CSMD1: variants seen among roughly 807,000 people sequenced by gnomAD.
The protein encoded by CSMD1 is CUB and Sushi multiple domains 1.
A neutral mutation model predicts 417.5 loss-of-function variants in CSMD1; 213 were observed. The observed-to-expected ratio is 0.51, with a 90% CI of 0.46 to 0.57. CSMD1 has a LOEUF of 0.57. Among genes scored for constraint, CSMD1 ranks in the 20% least tolerant of loss-of-function variants. The pLI, the probability that CSMD1 is intolerant of heterozygous loss-of-function variation, is 0.00. For missense variants in CSMD1, 6,923 were observed against 4,529.7 expected, an observed-to-expected ratio of 1.53 and a Z score of -15.17; for synonymous variants, 2,862 against 1,736.8, an observed-to-expected ratio of 1.65 and a Z score of -16.11.
rs11373813 is a variant in CSMD1 at position 3,926,108 on chromosome 8, C to CCATACACACACACACAAACACCAT, written c.818+71794_818+71795insATGGTGTTTGTGTGTGTGTGTATG. ...ACACACACACACACACACACACACA[C>CCATACACACACACACAAACACCAT]ACACACACACACACACACACACACT... On this transcript the variant is annotated intron_variant, in intron 5 of 69. Coordinates refer to ENST00000635120, the MANE Select transcript of CSMD1 (RefSeq NM_033225.6). 1.0e-4 allele frequency among the ~76,000 whole-genome samples: 8 copies of CCATACACACACACACAAACACCAT among 79,230 alleles called. No homozygotes were observed. The East Asian group carries it at 2.0e-3, about 20-fold the overall frequency. 52.0% of individuals were successfully genotyped at this position (79,230 alleles called of 152,430 possible).
intron 12 of CSMD1, among the ~76,000 whole-genome samples, chr8:3,453,763 T>C (rs1055168732): frequency 6.6e-6 from 1 of 152,184 alleles, no homozygotes; most frequent in Non-Finnish European, 1.5e-5. Flanking sequence ...AGGTGTGGTA[T>C]GGTGCTGAAA....
chr8:3,915,569 A>G (rs1012416094), intron 5 of CSMD1, among the ~76,000 whole-genome samples: 3 of 151,748 alleles, frequency 2.0e-5, no homozygotes, highest in Non-Finnish European at 4.4e-5. Context: ...GAATAATTCT[A>G]TAATAGTCAG....
chr8:3,585,078 T>C (rs1800540930), intron 9 of CSMD1, among the ~76,000 whole-genome samples: 1 of 152,088 alleles, frequency 6.6e-6, no homozygotes. Context: ...CTCCCTCCCC[T>C]TCCGGTGGGG....
intron 3 of CSMD1, among the ~76,000 whole-genome samples, chr8:4,077,117 A>C (rs544720589): frequency 8.6e-4 from 130 of 151,790 alleles, no homozygotes; most frequent in Non-Finnish European, 5.7e-4. Context: ...CATTTTAGTG[A>C]TGAGTATGAT....
chr8:4,679,208 G>A (rs761639627), intron 1 of CSMD1, among the ~76,000 whole-genome samples: 8 of 152,120 alleles, frequency 5.3e-5, no homozygotes, highest in Admixed American at 2.0e-4. Context: ...TCTTTGCAGG[G>A]CTTTCCCTGG....
chr8:4,525,895 T>G (rs1288898737), intron 2 of CSMD1, among the ~76,000 whole-genome samples: 4 of 152,156 alleles, frequency 2.6e-5, no homozygotes, highest in African/African-American at 9.7e-5. Flanking sequence ...ATTTATTGAA[T>G]GATAAGTGCA....
intron 37 of CSMD1, among the ~76,000 whole-genome samples, chr8:3,178,241 A>G (rs1489272395): frequency 2.6e-5 from 4 of 152,142 alleles, no homozygotes; most frequent in Non-Finnish European, 5.9e-5. Flanking sequence ...AATTTCCACC[A>G]GTGTCCATTT....
chr8:4,841,930 A>AAAAAAAAAAAAAAAAAAACAAAAC lies in CSMD1; in HGVS notation c.85+152401_85+152402insGTTTTGTTTTTTTTTTTTTTTTTT, dbSNP rs1192383183. 4.1e-4 allele frequency among the ~76,000 whole-genome samples: 50 copies of AAAAAAAAAAAAAAAAAAACAAAAC among 122,468 alleles called. 2 individuals carry two copies. Among genetic ancestry groups the AAAAAAAAAAAAAAAAAAACAAAAC allele is most frequent in the African/African-American group, 8.7e-4 (26 of 30,018 alleles). The allele number at this position is 122,468 out of a possible 152,430, so 80.3% of individuals were successfully genotyped here. A position where few individuals can be genotyped will look rare whatever the true frequency, so the allele number is the denominator to read the frequency against. On this transcript the variant is annotated intron_variant, in intron 1 of 69. Transcript: ENST00000635120. ...CCGTCTCAAAAAAAAAAAAAAAAAAAAAAAAAAAGTTCAGAACAATGGATA... is the reference window on the plus strand; with the variant it reads ...CCGTCTCAAAAAAAAAAAAAAAAAAAAAAAAAAAAAAAAAAAAACAAAACAAAAAAAAGTTCAGAACAATGGATA...
At chr8:4,486,113 AT>A (rs1801366539) in intron 2 of CSMD1, among the ~76,000 whole-genome samples, 1 of 114,670 alleles carries the variant, frequency 8.7e-6, no homozygotes, top group African/African-American at 3.8e-5. Context: ...ATGTATGTAT[AT>A]ATACATACAT....
intron 2 of CSMD1, among the ~76,000 whole-genome samples, chr8:4,516,497 A>G (rs1397700096): frequency 6.6e-6 from 1 of 151,976 alleles, no homozygotes; most frequent in Non-Finnish European, 1.5e-5. Flanking sequence ...GGGCCCTTCT[A>G]TGATCCCCCT....
At chr8:4,277,375 T>G (rs1040599135) in intron 3 of CSMD1, among the ~76,000 whole-genome samples, 3 of 152,154 alleles carry the variant, frequency 2.0e-5, no homozygotes, top group African/African-American at 7.2e-5. Flanking sequence ...CATCTCTGAA[T>G]CTGAAGGTGT....
At chr8:4,396,227 C>G (rs577264218) in intron 3 of CSMD1, among the ~76,000 whole-genome samples, 1 of 151,814 alleles carries the variant, frequency 6.6e-6, no homozygotes, top group African/African-American at 2.4e-5. Context: ...TTTGGGAGAC[C>G]AAGGTAGGCA....
Position 4,165,891 on chromosome 8 carries a change from G to C in CSMD1, c.416-133792C>G, listed in dbSNP as rs148757853. ...AAATTACTTTTGCACCAACCAACCT[G>C]TGCCTAGCACAGTATCAGATATATA... On this transcript the variant is annotated intron_variant, in intron 3 of 69. Coordinates refer to ENST00000635120, the MANE Select transcript of CSMD1 (RefSeq NM_033225.6). Among the ~76,000 whole-genome samples, 995 of 152,296 alleles carry C rather than the reference G, an allele frequency of 6.5e-3. 9 individuals are homozygous for C. Among genetic ancestry groups the C allele is most frequent in the African/African-American group, 0.022 (924 of 41,568 alleles).
rs772308721 is a variant in CSMD1, at chr8:3,181,188, T to C, written c.5647A>G (p.Ser1883Gly). The change falls in exon 37 of 70, where the codon AGT becomes GGT. Residue 1883 changes from serine to glycine, a missense_variant. Ser to Gly is a moderately conservative substitution (Grantham distance 56). Transcript: ENST00000635120. ...SGTTVPALLN[S>G]TSNQLYLHFQ... is the part of the protein sequence containing the mutation. ...TGCAGGTAGAGTTGGTTGGAAGTAC[T>C]GTTCAGCAGTGCCGGTACTGTGGTG... 1.9e-6 allele frequency: 3 copies of C among 1,613,756 alleles called. No individual in the cohort carries two copies. Among genetic ancestry groups the C allele is most frequent in the Non-Finnish European group, 1.7e-6 (2 of 1,179,718 alleles).
intron 12 of CSMD1, among the ~76,000 whole-genome samples, chr8:3,454,662 G>A (rs1011760179): frequency 6.6e-6 from 1 of 152,214 alleles, no homozygotes; most frequent in Non-Finnish European, 1.5e-5. Flanking sequence ...CTGGCTTGTA[G>A]AGTTTCTGCG....
At chr8:3,889,708 T>C (rs1487843977) in intron 5 of CSMD1, among the ~76,000 whole-genome samples, 1 of 151,638 alleles carries the variant, frequency 6.6e-6, no homozygotes, top group East Asian at 1.9e-4. Context: ...TTCCTATAAA[T>C]TGAGCTATGG....
intron 3 of CSMD1, among the ~76,000 whole-genome samples, chr8:4,180,020 C>T (rs534256805): frequency 6.6e-5 from 10 of 152,102 alleles, no homozygotes; most frequent in South Asian, 2.1e-4. Flanking sequence ...GTCAGTGTGG[C>T]GATTCCTCAA....
At chr8:4,139,857 G>C (rs546055464) in intron 3 of CSMD1, among the ~76,000 whole-genome samples, 15 of 150,940 alleles carry the variant, frequency 9.9e-5, no homozygotes, top group Admixed American at 6.6e-5. Flanking sequence ...TGATCAGATG[G>C]AAATTTTAGA....
intron 10 of CSMD1, among the ~76,000 whole-genome samples, chr8:3,547,574 AT>A (rs1274228614): frequency 6.6e-6 from 1 of 152,144 alleles, no homozygotes; most frequent in Non-Finnish European, 1.5e-5. Flanking sequence ...TTTAGGCTTT[AT>A]TTTTATTTAC....
Sources: gnomAD v4.1 joint callset for allele counts (sites outside exome capture counted in the v4.1 genomes callset) on GRCh38, gnomAD v4.1.1 for gene constraint, MANE v1.5 for transcripts, NCBI Gene and HGNC (gene_info 2026-07-23, HGNC 2026-07-21) for gene names.